The following SAV1 variants were observed in gnomAD, a reference collection of about 807,000 sequenced individuals.
SAV1 encodes salvador family WW domain containing protein 1, also known as protein salvador homolog 1.
A neutral mutation model predicts 47.3 loss-of-function variants in SAV1; 23 were observed. That is an observed-to-expected ratio of 0.49 (90% CI 0.35 to 0.69). The LOEUF is 0.69. SAV1 is among the 30% of genes least tolerant of loss of function. The pLI, the probability that SAV1 is intolerant of heterozygous loss-of-function variation, is 0.01. For missense variants in SAV1, 448 were observed against 457.4 expected (o/e 0.98, Z 0.19); for synonymous variants, 155 against 159.2 (o/e 0.97, Z 0.20).
intron 1 of SAV1, among the ~76,000 whole-genome samples, chr14:50,666,631 A>G (rs2039903420): frequency 6.6e-6 from 1 of 152,222 alleles, no homozygotes; most frequent in South Asian, 2.1e-4. Flanking sequence ...CTACACATGT[A>G]CCCCAGAACT....
chr14:50,660,717 T>C (rs2039852718), intron 2 of SAV1, among the ~76,000 whole-genome samples: 1 of 152,064 alleles, frequency 6.6e-6, no homozygotes, highest in Non-Finnish European at 1.5e-5. Flanking sequence ...TCTAACTTTA[T>C]GTTTGGACCC....
In SAV1 at chr14:50,656,045, C is replaced by CA. The variant is rs541859408; in HGVS notation, c.535+9133dup. On this transcript the variant is annotated intron_variant, in intron 2 of 4. Transcript: ENST00000324679. ...GGGCAACAAAAGTGAAACTCCGTCT[C>CA]AAAAACAAAAACAAAAACTATACAG... 2.6e-3 allele frequency among the ~76,000 whole-genome samples: 390 copies of CA among 152,236 alleles called. 3 individuals carry two copies. The highest frequency in any genetic ancestry group is 8.9e-3 in the African/African-American group (371 of 41,536).
intron 4 of SAV1, among the ~76,000 whole-genome samples, chr14:50,636,323 A>C (rs1182238644): frequency 8.6e-6 from 1 of 116,066 alleles, no homozygotes; most frequent in African/African-American, 2.6e-5. Context: ...AATGCTATTC[A>C]CAACAGCAAA....
intron 2 of SAV1, among the ~76,000 whole-genome samples, chr14:50,662,163 T>C (rs752223575): frequency 1.4e-3 from 26 of 17,970 alleles, no homozygotes; most frequent in Non-Finnish European, 2.6e-3. Context: ...AATCTTGTTA[T>C]TTATTTATTT....
rs1170706416 is a variant in SAV1, at chr14:50,634,141, G to A, written c.*1042C>T. ...GCTGTCAGGAACTCTCCACTGCCTC[G>A]TCAGAGCCATGCTAAATGCAGTAAC... On this transcript the variant is annotated 3_prime_UTR_variant, in exon 5 of 5. Coordinates refer to ENST00000324679, the MANE Select transcript of SAV1 (RefSeq NM_021818.4). The A allele has an allele frequency of 8.8e-6, 4 of 454,864 alleles. No individual in the cohort carries two copies. Among genetic ancestry groups the A allele is most frequent in the Admixed American group, 4.7e-5 (2 of 42,520 alleles). 28.2% of individuals were successfully genotyped at this position (454,864 alleles called of 1,614,324 possible). A position where few individuals can be genotyped will look rare whatever the true frequency, so the allele number is the denominator to read the frequency against.
Position 50,644,794 on chromosome 14 carries a change from A to T in SAV1, c.756T>A (p.Tyr252Ter). The T allele has an allele frequency of 6.2e-7, 1 of 1,614,190 alleles. No homozygotes were observed. The highest frequency in any genetic ancestry group is 8.5e-7 in the Non-Finnish European group (1 of 1,180,014). The stretch of plus-strand genomic sequence containing the variant: ...GGGCCTTCTTATTTGTGTGATCTAC[A>T]TAATAGGTTCCAAATTCGGATGACT... ...RVESSEFGTY[Y>*]VDHTNKKAQY... Residue 252 changes from tyrosine to a stop codon, truncating the protein, a stop_gained, in exon 3 of 5, where the codon TAT becomes TAA. Transcript: ENST00000324679. LOFTEE classifies it high-confidence loss of function.
chr14:50,635,519 CTG>C, intron 4 of SAV1, 135 bp from the exon 5 acceptor site: 2 of 769,700 alleles, frequency 2.6e-6, no homozygotes, highest in South Asian at 3.8e-5. Context: ...TTAAAAATAA[CTG>C]GGCACAGTGG....
At chr14:50,649,354 T>G (rs988050770) in intron 2 of SAV1, among the ~76,000 whole-genome samples, 1 of 152,238 alleles carries the variant, frequency 6.6e-6, no homozygotes, top group African/African-American at 2.4e-5. Context: ...ATCTTTGTTT[T>G]GTTCACAGAT....
rs762947164 is a variant in SAV1, at chr14:50,665,565, A to G, written c.149T>C (p.Ile50Thr). The change falls in exon 2 of 5, where the codon ATC (isoleucine) becomes ACC (threonine). Residue 50 changes from isoleucine to threonine, a missense_variant. Ile to Thr is a moderately conservative substitution (Grantham distance 89). Transcript: ENST00000324679. ...HGPTIPRRTD[I>T]CLPDSSPNAF... is the part of the protein sequence containing the mutation. ...ATTAGGGCTTGAATCTGGAAGACAG[A>G]TATCAGTTCGTCTTGGAATTGTTGG... 4.0e-5 allele frequency: 64 copies of G among 1,613,778 alleles called. 2 individuals carry two copies. The South Asian group carries it at 5.1e-4, about 13-fold the overall frequency.
At chr14:50,666,649 T>C (rs1041742703) in intron 1 of SAV1, among the ~76,000 whole-genome samples, 6 of 152,112 alleles carry the variant, frequency 3.9e-5, no homozygotes, top group Non-Finnish European at 7.4e-5. Flanking sequence ...ACTTAAAGTA[T>C]AATAAAAAGT....
chr14:50,667,178 T>C (rs1464456607), intron 1 of SAV1, among the ~76,000 whole-genome samples: 1 of 149,244 alleles, frequency 6.7e-6, no homozygotes, highest in East Asian at 2.0e-4. Flanking sequence ...GGACCGGAGG[T>C]GGGGATTGGG....
chr14:50,653,538 C>T (rs886779810), intron 2 of SAV1, among the ~76,000 whole-genome samples: 2 of 152,058 alleles, frequency 1.3e-5, no homozygotes, highest in Admixed American at 6.6e-5. Flanking sequence ...TGCAATAAAG[C>T]GAGTTACGTG....
intron 1 of SAV1, among the ~76,000 whole-genome samples, chr14:50,666,203 T>C (rs1223615044): frequency 6.6e-6 from 1 of 152,146 alleles, no homozygotes; most frequent in Admixed American, 6.5e-5. Flanking sequence ...AAGCCAAAAA[T>C]TTATGTATGA....
intron 4 of SAV1, among the ~76,000 whole-genome samples, chr14:50,636,645 C>T (rs1027834739): frequency 3.3e-5 from 5 of 152,120 alleles, no homozygotes; most frequent in Admixed American, 6.5e-5. Context: ...GAAGACAGCA[C>T]TGTAATTAAT....
Position 50,659,078 on chromosome 14 carries a change from T to G in SAV1, c.535+6101A>C, listed in dbSNP as rs1370396671. Among the ~76,000 whole-genome samples the G allele has an allele frequency of 5.3e-5, 8 of 150,476 alleles. No homozygotes were observed. The East Asian group carries it at 1.5e-3, about 29-fold the overall frequency. On this transcript the variant is annotated intron_variant, in intron 2 of 4. Transcript: ENST00000324679. ...TGTATCAACTGCTGTAAAGAATTTTTTTTTTTTTTTTTTTTTGGTTGGGAG... is the reference window on the plus strand; with the variant it reads ...TGTATCAACTGCTGTAAAGAATTTTGTTTTTTTTTTTTTTTTGGTTGGGAG...
chr14:50,659,509 C>T (rs1204697051), intron 2 of SAV1, among the ~76,000 whole-genome samples: 4 of 152,202 alleles, frequency 2.6e-5, no homozygotes, highest in African/African-American at 9.7e-5. Context: ...TGTGGCAGCC[C>T]CTGGGCAGGC....
Position 50,634,763 on chromosome 14 carries a change from C to T in SAV1, c.*420G>A. On this transcript the variant is annotated 3_prime_UTR_variant, in exon 5 of 5. Transcript: ENST00000324679. ...AACTACATCATGGTAATATTTAAACCATCCCTTTCCAGACAATATTTCACA... is the reference window on the plus strand; with the variant it reads ...AACTACATCATGGTAATATTTAAACTATCCCTTTCCAGACAATATTTCACA... The T allele has an allele frequency of 1.2e-5, 2 of 163,076 alleles. No individual in the cohort carries two copies. The highest frequency in any genetic ancestry group is 1.7e-4 in the South Asian group (1 of 5,936). 10.1% of individuals were successfully genotyped at this position (163,076 alleles called of 1,614,324 possible). A position where few individuals can be genotyped will look rare whatever the true frequency, so the allele number is the denominator to read the frequency against.
chr14:50,659,774 G>A (rs1424652125), intron 2 of SAV1, among the ~76,000 whole-genome samples: 1 of 152,160 alleles, frequency 6.6e-6, no homozygotes, highest in Non-Finnish European at 1.5e-5. Flanking sequence ...TGAGCCCGAG[G>A]TCGAGGCTGC....
At chr14:50,645,708 T>C (rs2039716134) in intron 2 of SAV1, among the ~76,000 whole-genome samples, 1 of 151,748 alleles carries the variant, frequency 6.6e-6, no homozygotes, top group Non-Finnish European at 1.5e-5. Context: ...TTTCCCCTGA[T>C]TAAAGATTTG....
Sources: gnomAD v4.1 joint callset for allele counts (sites outside exome capture counted in the v4.1 genomes callset) on GRCh38, gnomAD v4.1.1 for gene constraint, MANE v1.5 for transcripts, NCBI Gene and HGNC (gene_info 2026-07-23, HGNC 2026-07-21) for gene names.